Variants in ATG10 observed in about 807,000 individuals in gnomAD.
ATG10 encodes ubiquitin-like-conjugating enzyme ATG10.
In ATG10, 30 loss-of-function variants were observed where a neutral mutation model predicts 32.1. That is an observed-to-expected ratio of 0.94 (90% confidence interval 0.70 to 1.27). The LOEUF (loss-of-function observed/expected upper bound fraction) is 1.27, where lower values mean the gene tolerates loss of function less well. Ranked by LOEUF, ATG10 falls within the 50% of genes most tolerant of loss-of-function variation. The pLI is 0.00. For synonymous variants in ATG10, 87 were observed against 91.5 expected (o/e 0.95, Z 0.28); for missense variants, 233 against 262.3 (o/e 0.89, Z 0.77).
intron 3 of ATG10, among the ~76,000 whole-genome samples, chr5:82,162,815 T>C (rs1743412732): frequency 8.3e-6 from 1 of 121,076 alleles, no homozygotes; most frequent in Admixed American, 1.2e-4. Flanking sequence ...TATGTATGTA[T>C]AGCAGGATTT....
At chr5:82,109,889 G>A (rs888460639) in intron 3 of ATG10, among the ~76,000 whole-genome samples, 1 of 151,554 alleles carries the variant, frequency 6.6e-6, no homozygotes, top group African/African-American at 2.4e-5. Context: ...GTGCCATGTT[G>A]GTGTGCTGCA....
At chr5:81,993,396 T>TCTTTTCTTC (rs1457131341) in intron 2 of ATG10, among the ~76,000 whole-genome samples, 2 of 130,302 alleles carry the variant, frequency 1.5e-5, no homozygotes, top group Non-Finnish European at 1.6e-5. Context: ...TTCTTTTTTT[T>TCTTTTCTTC]TCTTTTCTTT....
chr5:82,196,924 C>T (rs1261727619), intron 5 of ATG10, among the ~76,000 whole-genome samples: 2 of 152,100 alleles, frequency 1.3e-5, no homozygotes, highest in East Asian at 1.9e-4. Context: ...TCAATTTCTG[C>T]GAAAATGTCA....
chr5:82,094,199 C>T (rs1418034256), intron 3 of ATG10, among the ~76,000 whole-genome samples: 2 of 152,128 alleles, frequency 1.3e-5, no homozygotes, highest in Non-Finnish European at 2.9e-5. Context: ...TTGGGCTTGC[C>T]TTGCTTTTTT....
intron 2 of ATG10, among the ~76,000 whole-genome samples, chr5:82,033,811 AT>A (rs1762815142): frequency 1.3e-5 from 2 of 151,210 alleles, no homozygotes; most frequent in African/African-American, 2.4e-5. Context: ...ATAGATACAC[AT>A]ATGTATATAT....
intron 3 of ATG10, among the ~76,000 whole-genome samples, chr5:82,117,917 G>A (rs1765872939): frequency 6.6e-6 from 1 of 152,010 alleles, no homozygotes. Context: ...GGAGGATTGT[G>A]GCACTATCAC....
intron 5 of ATG10, among the ~76,000 whole-genome samples, chr5:82,231,000 A>T (rs1181284300): frequency 6.6e-6 from 1 of 152,174 alleles, no homozygotes; most frequent in Non-Finnish European, 1.5e-5. Flanking sequence ...GAGAAGAAAT[A>T]AACCTTTAAG....
rs1387893869 is a variant in ATG10, at chr5:82,255,450, G to A, written c.*1387G>A. 2.6e-5 allele frequency: 4 copies of A among 152,000 alleles called. No individual in the cohort carries two copies. Among genetic ancestry groups the A allele is most frequent in the African/African-American group, 4.8e-5 (2 of 41,388 alleles). The allele number at this position is 152,000 out of a possible 1,614,324, so 9.4% of individuals were successfully genotyped here. On this transcript the variant is annotated 3_prime_UTR_variant, in exon 8 of 8. Transcript: ENST00000282185. The stretch of plus-strand genomic sequence containing the variant: ...GCTTTCATTTGCTAGGAGCTGAAAC[G>A]AAGATTAAAATGTCATTGGCTTTTT...
chr5:81,999,900 A>G (rs560017594), intron 2 of ATG10, among the ~76,000 whole-genome samples: 1 of 152,356 alleles, frequency 6.6e-6, no homozygotes, highest in Non-Finnish European at 1.5e-5. Context: ...TTTACCAACC[A>G]GTAAAAGCCC....
chr5:82,122,542 A>G (rs1766085535), intron 3 of ATG10, among the ~76,000 whole-genome samples: 1 of 152,254 alleles, frequency 6.6e-6, no homozygotes, highest in Admixed American at 6.5e-5. Context: ...CTGCACAGCA[A>G]CAGAAACTAT....
intron 1 of ATG10, among the ~76,000 whole-genome samples, chr5:81,983,112 A>C: frequency 6.6e-6 from 1 of 151,048 alleles, no homozygotes; most frequent in African/African-American, 2.4e-5. Flanking sequence ...GGGGCTCCTC[A>C]CTTCCCAGTA....
chr5:82,158,820 A>G (rs1485640061), intron 3 of ATG10, among the ~76,000 whole-genome samples: 1 of 152,196 alleles, frequency 6.6e-6, no homozygotes, highest in Non-Finnish European at 1.5e-5. Flanking sequence ...TAAGTGGTAT[A>G]CTACAGTACA....
intron 3 of ATG10, among the ~76,000 whole-genome samples, chr5:82,160,035 C>T (rs1048780162): frequency 6.6e-6 from 1 of 152,204 alleles, no homozygotes; most frequent in East Asian, 1.9e-4. Context: ...CCCAGTTTTA[C>T]TTGTACTCAT....
At chr5:82,249,919 G>A (rs2150029222) in intron 5 of ATG10, among the ~76,000 whole-genome samples, 1 of 152,322 alleles carries the variant, frequency 6.6e-6, no homozygotes, top group East Asian at 1.9e-4. Context: ...ATGCCAAAGG[G>A]AAAGTGAGTC....
intron 5 of ATG10, among the ~76,000 whole-genome samples, chr5:82,193,225 G>A (rs2149949251): frequency 6.6e-6 from 1 of 152,308 alleles, no homozygotes; most frequent in Middle Eastern, 3.4e-3. Context: ...ATGTATCTTA[G>A]TATGTCCTAC....
chr5:82,158,275 C>A (rs754338086), intron 3 of ATG10, among the ~76,000 whole-genome samples: 6 of 152,078 alleles, frequency 3.9e-5, no homozygotes, highest in Non-Finnish European at 2.9e-5. Flanking sequence ...CATGAAATAG[C>A]AACATTTTGA....
At chr5:82,202,582 T>C (rs1745109984) in intron 5 of ATG10, among the ~76,000 whole-genome samples, 1 of 152,164 alleles carries the variant, frequency 6.6e-6, no homozygotes, top group Non-Finnish European at 1.5e-5. Context: ...AGCTATGTGC[T>C]CTCCAGTATT....
intron 3 of ATG10, among the ~76,000 whole-genome samples, chr5:82,077,668 G>A (rs979365569): frequency 6.6e-6 from 1 of 152,130 alleles, no homozygotes; most frequent in Non-Finnish European, 1.5e-5. Context: ...CCAGTGCTGA[G>A]CCTGAAAGCG....
At position 82,029,217 on chromosome 5, in the gene ATG10, A is replaced by G. The variant is rs528942868; in HGVS notation, c.109-29278A>G. On this transcript the variant is annotated intron_variant, in intron 2 of 7. Transcript: ENST00000282185. ...TAATGATGAGAAAGGCATTTCCATC[A>G]TTTGGAGAAAAGTGATAAATATTCT... is the stretch of plus-strand genomic sequence containing the variant. Among the ~76,000 whole-genome samples the G allele has an allele frequency of 6.6e-5, 10 of 152,350 alleles. No homozygotes were observed. The East Asian group carries it at 1.9e-3, about 29-fold the overall frequency.
Sources: allele counts gnomAD v4.1 joint callset (sites outside exome capture counted in the v4.1 genomes callset), GRCh38; gene constraint gnomAD v4.1.1; transcripts MANE v1.5; gene names NCBI Gene and HGNC (gene_info 2026-07-23, HGNC 2026-07-21).